Variants in GSDME observed in about 807,000 individuals in gnomAD.
GSDME encodes gasdermin-E.
A neutral mutation model predicts 47.5 loss-of-function variants in GSDME; 44 were observed. The observed-to-expected ratio is 0.93, with a 90% CI of 0.73 to 1.19. The LOEUF (loss-of-function observed/expected upper bound fraction) is 1.19. GSDME is among the 50% of genes most tolerant of loss of function. The pLI, the probability that GSDME is intolerant of heterozygous loss-of-function variation, is 0.00. For synonymous variants in GSDME, 258 were observed against 252.8 expected (o/e 1.02, Z -0.20); for missense variants, 663 against 604.2 (o/e 1.10, Z -1.02).
At chr7:24,707,988 C>T (rs1789185549) in intron 7 of GSDME, 139 bp downstream of exon 7, 2 of 1,081,398 alleles carry the variant, frequency 1.8e-6, no homozygotes, top group East Asian at 2.5e-5. Context: ...TTAGAAAACG[C>T]AGGACCCAAG....
At chr7:24,764,962 GA>G in the GSDME span, among the ~76,000 whole-genome samples, 1 of 152,184 alleles carries the variant, frequency 6.6e-6, no homozygotes, top group Non-Finnish European at 1.5e-5. This position sits in a 1 kb window ranked among gnomAD's most constrained non-coding sequence, Gnocchi z 4.4. Flanking sequence ...GTGACGTGCT[GA>G]AAAAGCTTTA....
intron 5 of GSDME, among the ~76,000 whole-genome samples, chr7:24,713,235 T>C (rs1003410777): frequency 6.6e-6 from 1 of 152,140 alleles, no homozygotes; most frequent in African/African-American, 2.4e-5. Flanking sequence ...TCTTCACCTC[T>C]CTGTGTCCTG....
intron 5 of GSDME, chr7:24,715,649 C>T (rs1789524387): frequency 3.1e-6 from 1 of 317,742 alleles, no homozygotes; most frequent in South Asian, 2.6e-5. Flanking sequence ...CAATTTGATC[C>T]TCTTCATGAT....
rs748341598 is a variant in GSDME, at chr7:24,699,209, C to T, written c.1308G>A (p.Leu436=). The part of the protein sequence containing the change: ...DGVSDLEDPT[L]TPLKDTERFG... Reference sequence around the variant, plus strand: ...ACCTTTCTGTATCTTTCAGGGGAGTCAAGGTTGGGTCTTCAAGATCAGATA... The same window carrying T: ...ACCTTTCTGTATCTTTCAGGGGAGTTAAGGTTGGGTCTTCAAGATCAGATA... Residue 436 remains leucine (L), a synonymous_variant, in exon 10 of 10, where the codon TTG becomes TTA. Coordinates refer to ENST00000645220, the MANE Select transcript of GSDME (RefSeq NM_001127453.2). The T allele has an allele frequency of 6.2e-7, 1 of 1,614,134 alleles. No homozygotes were observed. The highest frequency in any genetic ancestry group is 1.1e-5 in the South Asian group (1 of 91,070).
the GSDME span, among the ~76,000 whole-genome samples, chr7:24,794,779 C>A: frequency 6.6e-6 from 1 of 152,036 alleles, no homozygotes; most frequent in Non-Finnish European, 1.5e-5. Context: ...TCTCAGGAGA[C>A]AAAACAACAC....
At chr7:24,787,738 GCT>G in the GSDME span, among the ~76,000 whole-genome samples, 6 of 151,800 alleles carry the variant, frequency 4.0e-5, no homozygotes, top group Admixed American at 3.9e-4. This position sits in a 1 kb window ranked among gnomAD's most constrained non-coding sequence, Gnocchi z 5.0. Context: ...ACAGAGTCTC[GCT>G]CTGTCGCCCA....
intron 2 of GSDME, among the ~76,000 whole-genome samples, chr7:24,748,440 G>A (rs1790749774): frequency 6.6e-6 from 1 of 152,026 alleles, no homozygotes; most frequent in Non-Finnish European, 1.5e-5. Context: ...TTACAGGCAT[G>A]AGCCACCACG....
At chr7:24,709,601 TTC>T (rs1789265442) in intron 6 of GSDME, among the ~76,000 whole-genome samples, 1 of 151,992 alleles carries the variant, frequency 6.6e-6, no homozygotes, top group Non-Finnish European at 1.5e-5. Context: ...ACCTATTTGT[TTC>T]TCCTTTTCCT....
the GSDME span, among the ~76,000 whole-genome samples, chr7:24,782,786 G>C: frequency 1.4e-4 from 22 of 152,190 alleles, no homozygotes; most frequent in Non-Finnish European, 2.9e-4. Flanking sequence ...GTATCTCATT[G>C]TGGTTTTGAT....
rs1325745965 is a variant in GSDME, at chr7:24,735,203, C to T, written c.404+9359G>A. Among the ~76,000 whole-genome samples, 1 of 152,160 alleles carries T rather than the reference C, an allele frequency of 6.6e-6. No homozygotes were observed. The highest frequency in any genetic ancestry group is 1.5e-5 in the Non-Finnish European group (1 of 68,026). ...AGAATAGTATATTCAGCAAAACTAT[C>T]CTTCAAACATGAAGGAGAAACATAG... On this transcript the variant is annotated intron_variant, in intron 3 of 9. Coordinates refer to ENST00000645220, the MANE Select transcript of GSDME (RefSeq NM_001127453.2). This position sits in a 1 kb window ranked among gnomAD's most constrained non-coding sequence, Gnocchi z 4.4.
Position 24,747,968 on chromosome 7 carries a change from C to T in GSDME, c.211+1596G>A, listed in dbSNP as rs115798073. ...CAGGCATAAGCCACTGCACCCAGCC[C>T]CAACATTATTTATTAAGCACTAAAT... On this transcript the variant is annotated intron_variant, in intron 2 of 9. Coordinates refer to ENST00000645220, the MANE Select transcript of GSDME (RefSeq NM_001127453.2). 6.7e-3 allele frequency among the ~76,000 whole-genome samples: 1,013 copies of T among 151,352 alleles called. 9 individuals carry two copies. Among genetic ancestry groups the T allele is most frequent in the African/African-American group, 0.024 (970 of 41,266 alleles).
In GSDME at chr7:24,699,093, TTA is replaced by T. The variant is rs1207888016; in HGVS notation, c.1422_1423del (p.Lys475SerfsTer28). 1 of 1,614,112 alleles carries T rather than the reference TTA, an allele frequency of 6.2e-7. No homozygotes were observed. Among genetic ancestry groups the T allele is most frequent in the South Asian group, 1.1e-5 (1 of 91,076 alleles). ...TATACAAAGAAGCAGTGGGAAGACT[TTA>T]GAGTCCTTCAGAATGACAGCTTTCA... On this transcript the variant is annotated frameshift_variant, in exon 10 of 10. Coordinates refer to ENST00000645220, the MANE Select transcript of GSDME (RefSeq NM_001127453.2). LOFTEE classifies it low-confidence loss of function (END_TRUNC).
the GSDME span, among the ~76,000 whole-genome samples, chr7:24,786,717 G>T: frequency 6.6e-6 from 1 of 152,192 alleles, no homozygotes; most frequent in African/African-American, 2.4e-5. The surrounding 1 kb of genome is among the most constrained non-coding windows in gnomAD (Gnocchi z 5.5). Context: ...TGGTGAAAAA[G>T]TTTTGGAGGT....
intron 3 of GSDME, among the ~76,000 whole-genome samples, chr7:24,720,972 T>C (rs1382985205): frequency 6.6e-6 from 1 of 151,442 alleles, no homozygotes; most frequent in Non-Finnish European, 1.5e-5. Flanking sequence ...TTGAAGACAT[T>C]ATGCCAAGTA....
rs1791014777 is a variant in GSDME, at chr7:24,756,287, G to A, written c.-20+1109C>T. Among the ~76,000 whole-genome samples, 1 of 152,180 alleles carries A rather than the reference G, an allele frequency of 6.6e-6. No individual in the cohort carries two copies. Among genetic ancestry groups the A allele is most frequent in the African/African-American group, 2.4e-5 (1 of 41,428 alleles). On this transcript the variant is annotated intron_variant, in intron 1 of 9. Coordinates refer to ENST00000645220, the MANE Select transcript of GSDME (RefSeq NM_001127453.2). The surrounding 1 kb of genome is among the most constrained non-coding windows in gnomAD (Gnocchi z 4.2). Reference sequence around the variant, plus strand: ...TGTATGGGAGGATCCCTTGAGCCCAGGAATTCAAGGCTGCAGTGAGCTAGG... The same window carrying A: ...TGTATGGGAGGATCCCTTGAGCCCAAGAATTCAAGGCTGCAGTGAGCTAGG...
chr7:24,765,694 C>T, the GSDME span, among the ~76,000 whole-genome samples: 1 of 152,224 alleles, frequency 6.6e-6, no homozygotes, highest in African/African-American at 2.4e-5. Flanking sequence ...TCATTCTTTG[C>T]TCAATTAAAC....
At chr7:24,719,530 C>A (rs543940828) in intron 3 of GSDME, among the ~76,000 whole-genome samples, 2 of 152,262 alleles carry the variant, frequency 1.3e-5, no homozygotes, top group African/African-American at 4.8e-5. Context: ...TGGTGGCTCA[C>A]ACCTGTAATC....
Position 24,748,303 on chromosome 7 carries a change from GTGCCTACCACCT to G in GSDME, c.211+1249_211+1260del, listed in dbSNP as rs1029731976. 1.8e-4 allele frequency among the ~76,000 whole-genome samples: 28 copies of G among 151,938 alleles called. No homozygotes were observed. The South Asian group carries it at 4.6e-3, about 25-fold the overall frequency. On this transcript the variant is annotated intron_variant, in intron 2 of 9. Transcript: ENST00000645220. ...GCCTCTTAAGTAGCTGGGATTACAG[GTGCCTACCACCT>G]TGCCCGGCTAATTTTTATATTTTTA... is the stretch of plus-strand genomic sequence containing the variant.
chr7:24,740,125 G>C (rs1301045076), intron 3 of GSDME, among the ~76,000 whole-genome samples: 4 of 151,380 alleles, frequency 2.6e-5, no homozygotes, highest in African/African-American at 9.7e-5. Context: ...CCTGTCATTT[G>C]CAACAACAGG....
Sources: allele counts gnomAD v4.1 joint callset (sites outside exome capture counted in the v4.1 genomes callset), GRCh38; gene constraint gnomAD v4.1.1; non-coding constraint Gnocchi (gnomAD v3.1); transcripts MANE v1.5; gene names NCBI Gene and HGNC (gene_info 2026-07-23, HGNC 2026-07-21).